ARID4B: variants seen among roughly 807,000 people sequenced by gnomAD.
ARID4B encodes AT-rich interactive domain-containing protein 4B.
A neutral mutation model predicts 147.5 loss-of-function variants in ARID4B; 26 were observed. The observed-to-expected ratio is 0.18, with a 90% CI of 0.13 to 0.24. The LOEUF (loss-of-function observed/expected upper bound fraction) is 0.24. Ranked by LOEUF, ARID4B falls within the 10% of genes least tolerant of loss-of-function variation. The probability of loss-of-function intolerance (pLI) is 1.00; values close to 1 mark genes in which losing one functional copy is unlikely to be tolerated. For synonymous variants in ARID4B, 512 were observed against 507.9 expected (o/e 1.01, Z -0.11); for missense variants, 1,179 against 1,511.5 (o/e 0.78, Z 3.65).
chr1:235,303,566 AC>A (rs902089926), intron 2 of ARID4B, among the ~76,000 whole-genome samples: 2 of 152,220 alleles, frequency 1.3e-5, no homozygotes, highest in African/African-American at 4.8e-5. Flanking sequence ...TCTAAAAAAA[AC>A]GAGAAACAGC....
intron 19 of ARID4B, among the ~76,000 whole-genome samples, chr1:235,184,661 T>A (rs747346207): frequency 1.3e-5 from 2 of 152,232 alleles, no homozygotes; most frequent in Non-Finnish European, 1.5e-5. Flanking sequence ...CCACATTTTT[T>A]AAATTATCAA....
intron 2 of ARID4B, among the ~76,000 whole-genome samples, chr1:235,287,272 T>TC (rs1168043014): frequency 1.3e-5 from 2 of 149,920 alleles, no homozygotes; most frequent in East Asian, 3.9e-4. Context: ...AAAAATAAAT[T>TC]TTTTTTTTTT....
chr1:235,172,708 G>C lies in ARID4B; in HGVS notation c.3721C>G (p.Gln1241Glu), dbSNP rs748732474. Residue 1241 changes from glutamine (Q) to glutamate (E), a missense_variant, in exon 23 of 24, where the codon CAA becomes GAA. Gln to Glu is a conservative substitution (Grantham distance 29). Coordinates refer to ENST00000264183, the MANE Select transcript of ARID4B (RefSeq NM_016374.6). ...ERITILQEKL[Q>E]EIRKHYLSLK... Reference sequence around the variant, plus strand: ...GACAGATAATGTTTTCTGATTTCTTGAAGTTTTTCTTGAAGAATTGTGATG... The same window carrying C: ...GACAGATAATGTTTTCTGATTTCTTCAAGTTTTTCTTGAAGAATTGTGATG... 2 of 1,606,854 alleles carry C rather than the reference G, an allele frequency of 1.2e-6. No individual in the cohort carries two copies. The highest frequency in any genetic ancestry group is 1.7e-6 in the Non-Finnish European group (2 of 1,176,942).
chr1:235,204,495 T>C (rs940661171), intron 17 of ARID4B, among the ~76,000 whole-genome samples: 2 of 151,586 alleles, frequency 1.3e-5, no homozygotes, highest in South Asian at 4.2e-4. Context: ...TATTTAAGAG[T>C]TGACATAAAC....
At chr1:235,295,468 C>T (rs911322178) in intron 2 of ARID4B, among the ~76,000 whole-genome samples, 1 of 149,824 alleles carries the variant, frequency 6.7e-6, no homozygotes, top group Non-Finnish European at 1.5e-5. Context: ...CGAGATCATG[C>T]CACTGCACTC....
intron 2 of ARID4B, among the ~76,000 whole-genome samples, chr1:235,314,936 C>T (rs2103288442): frequency 6.6e-6 from 1 of 152,192 alleles, no homozygotes; most frequent in East Asian, 1.9e-4. Flanking sequence ...TTCAATGAAA[C>T]TTACTAAAGT....
rs191665542 is a variant in ARID4B, at chr1:235,324,137, C to A, written c.6+2777G>T. 1.5e-3 allele frequency among the ~76,000 whole-genome samples: 226 copies of A among 152,158 alleles called. 2 individuals carry two copies. The highest frequency in any genetic ancestry group is 5.2e-3 in the African/African-American group (216 of 41,524). On this transcript the variant is annotated intron_variant, in intron 2 of 23. Transcript: ENST00000264183. ...CCAGGCTGGTCTCAAACTCCCTTGACCTCAGGTGATCCTCCTACCTCGGCC... is the reference window on the plus strand; with the variant it reads ...CCAGGCTGGTCTCAAACTCCCTTGAACTCAGGTGATCCTCCTACCTCGGCC...
At chr1:235,289,942 A>ACCT in intron 2 of ARID4B, among the ~76,000 whole-genome samples, 1 of 152,120 alleles carries the variant, frequency 6.6e-6, no homozygotes, top group Admixed American at 6.5e-5. Flanking sequence ...AGGCAGAAGA[A>ACCT]CTGCTTGAAC....
At chr1:235,236,833 A>AAAAAAAATATATATATATATAT (rs1175189621) in intron 8 of ARID4B, among the ~76,000 whole-genome samples, 1 of 33,520 alleles carries the variant, frequency 3.0e-5, no homozygotes. Flanking sequence ...TTTTATAAAA[A>AAAAAAAATATATATATATATAT]ATATATATAT....
chr1:235,214,881 C>CAGGCTGG (rs1282406499), intron 16 of ARID4B, among the ~76,000 whole-genome samples: 1 of 145,012 alleles, frequency 6.9e-6, no homozygotes, highest in Non-Finnish European at 1.5e-5. Flanking sequence ...TCCTGTCGCC[C>CAGGCTGG]AGGCTGGAGT....
intron 3 of ARID4B, 43 bp downstream of exon 3, chr1:235,260,599 C>T: frequency 5.6e-6 from 8 of 1,419,424 alleles, no homozygotes; most frequent in Non-Finnish European, 6.7e-6. Flanking sequence ...GTTTACATAT[C>T]AAATGCTGAA....
chr1:235,203,688 C>T (rs1666102879), intron 17 of ARID4B, among the ~76,000 whole-genome samples: 1 of 151,974 alleles, frequency 6.6e-6, no homozygotes, highest in African/African-American at 2.4e-5. Context: ...ATATAATTAA[C>T]TTACTTAGTT....
At chr1:235,318,670 C>T (rs1674609704) in intron 2 of ARID4B, among the ~76,000 whole-genome samples, 2 of 152,066 alleles carry the variant, frequency 1.3e-5, no homozygotes, top group African/African-American at 4.8e-5. Flanking sequence ...CACTTGAGCT[C>T]AGGAGTTCCA....
At chr1:235,215,545 A>G (rs981443335) in intron 16 of ARID4B, among the ~76,000 whole-genome samples, 3 of 108,960 alleles carry the variant, frequency 2.8e-5, no homozygotes, top group South Asian at 3.9e-4. Context: ...GCACACATAT[A>G]TATGTGTGTG....
Position 235,229,054 on chromosome 1 carries a change from T to A in ARID4B, c.897+177A>T, listed in dbSNP as rs190025196. 2.0e-5 allele frequency: 14 copies of A among 700,228 alleles called. No individual in the cohort carries two copies. The East Asian group carries it at 3.9e-4, about 20-fold the overall frequency. The allele number at this position is 700,228 out of a possible 1,614,324, so 43.4% of individuals were successfully genotyped here. On this transcript the variant is annotated intron_variant, in intron 11 of 23. Coordinates refer to ENST00000264183, the MANE Select transcript of ARID4B (RefSeq NM_016374.6). ...TAATATTTTCTATTTCACAAGATCA[T>A]ATATCTAAAGTAACCAAGTAAACTA...
chr1:235,312,995 AGAAAAG>A (rs1674172866), intron 2 of ARID4B, among the ~76,000 whole-genome samples: 1 of 152,090 alleles, frequency 6.6e-6, no homozygotes, highest in Non-Finnish European at 1.5e-5. Context: ...AGAAAAGAAA[AGAAAAG>A]GGTTCTTTGA....
intron 19 of ARID4B, chr1:235,187,189 C>T (rs552913354): frequency 4.4e-4 from 111 of 252,694 alleles, no homozygotes; most frequent in African/African-American, 2.7e-3. Context: ...TCAAGTGATT[C>T]TCCTGCCTCA....
intron 2 of ARID4B, among the ~76,000 whole-genome samples, chr1:235,268,467 G>A (rs1054782101): frequency 1.3e-5 from 2 of 152,100 alleles, no homozygotes; most frequent in East Asian, 1.9e-4. Context: ...AAAGTACTAA[G>A]AGCAACCAAA....
chr1:235,227,117 G>A (rs537254200), intron 11 of ARID4B, among the ~76,000 whole-genome samples: 1 of 152,194 alleles, frequency 6.6e-6, no homozygotes, highest in South Asian at 2.1e-4. Flanking sequence ...AAGGAAGGAG[G>A]GGAGGAAAAG....
Sources: gnomAD v4.1 joint callset for allele counts (sites outside exome capture counted in the v4.1 genomes callset) on GRCh38, gnomAD v4.1.1 for gene constraint, MANE v1.5 for transcripts, NCBI Gene and HGNC (gene_info 2026-07-23, HGNC 2026-07-21) for gene names.